SUFU: variants seen among roughly 807,000 people sequenced by gnomAD.
The protein encoded by SUFU is suppressor of fused homolog.
A neutral mutation model predicts 58.9 loss-of-function variants in SUFU; 7 were observed. That is an observed-to-expected ratio of 0.12 (90% CI 0.07 to 0.22). The LOEUF (loss-of-function observed/expected upper bound fraction) is 0.22. SUFU is among the 10% of genes least tolerant of loss of function. The pLI, the probability that SUFU is intolerant of heterozygous loss-of-function variation, is 1.00. For synonymous variants in SUFU, 232 were observed against 254.8 expected (o/e 0.91, Z 0.85); for missense variants, 451 against 641.3 (o/e 0.70, Z 3.20).
At chr10:102,582,059 C>G (rs1356789856) in intron 3 of SUFU, among the ~76,000 whole-genome samples, 1 of 152,174 alleles carries the variant, frequency 6.6e-6, no homozygotes, top group Non-Finnish European at 1.5e-5. Context: ...TTCTCTGTCC[C>G]TGGAAAGCAC....
intron 8 of SUFU, among the ~76,000 whole-genome samples, chr10:102,603,087 C>T (rs2063529255): frequency 6.6e-6 from 1 of 152,184 alleles, no homozygotes; most frequent in South Asian, 2.1e-4. Flanking sequence ...CAGACATGGT[C>T]TACGGAGTCT....
At chr10:102,528,960 T>TC in intron 2 of SUFU, among the ~76,000 whole-genome samples, 1 of 108,010 alleles carries the variant, frequency 9.3e-6, no homozygotes, top group Non-Finnish European at 2.2e-5. Flanking sequence ...TTTTTTCCTT[T>TC]CTTTTTTTTT....
intron 10 of SUFU, among the ~76,000 whole-genome samples, chr10:102,621,214 C>A (rs534403672): frequency 6.6e-6 from 1 of 152,346 alleles, no homozygotes; most frequent in East Asian, 1.9e-4. Flanking sequence ...TCTACTGTTC[C>A]TCCTTCCACG....
At chr10:102,550,532 G>C (rs1038485394) in intron 3 of SUFU, among the ~76,000 whole-genome samples, 1 of 152,172 alleles carries the variant, frequency 6.6e-6, no homozygotes, top group Non-Finnish European at 1.5e-5. Context: ...AAATATCACA[G>C]ATAAAGTTCA....
At chr10:102,622,958 T>C (rs1208389433) in intron 10 of SUFU, among the ~76,000 whole-genome samples, 1 of 124,126 alleles carries the variant, frequency 8.1e-6, no homozygotes, top group Non-Finnish European at 1.6e-5. Flanking sequence ...GCCATTGCAC[T>C]CCAGCCTGGA....
chr10:102,555,136 TG>T (rs1317867350), intron 3 of SUFU, among the ~76,000 whole-genome samples: 1 of 151,830 alleles, frequency 6.6e-6, no homozygotes, highest in African/African-American at 2.4e-5. Context: ...GACGTGGTGG[TG>T]GGCGCCTGTG....
chr10:102,563,543 A>AT (rs1184564754), intron 3 of SUFU, among the ~76,000 whole-genome samples: 5 of 151,964 alleles, frequency 3.3e-5, no homozygotes, highest in African/African-American at 1.2e-4. Context: ...GTGGTGGCTT[A>AT]TACGTGTACT....
intron 2 of SUFU, among the ~76,000 whole-genome samples, chr10:102,534,885 C>T (rs1453733998): frequency 6.6e-6 from 1 of 152,082 alleles, no homozygotes; most frequent in Non-Finnish European, 1.5e-5. Context: ...TAAGGCTGGG[C>T]TTGTCCCTAT....
chr10:102,514,328 A>G (rs1378912228), intron 2 of SUFU, among the ~76,000 whole-genome samples: 1 of 152,234 alleles, frequency 6.6e-6, no homozygotes, highest in Admixed American at 6.5e-5. Context: ...CTTCAGGGTC[A>G]GGAGGGGATG....
rs2135930232 is a variant in SUFU at position 102,615,346 on chromosome 10, G to C, written c.1101G>C (p.Glu367Asp). Residue 367 changes from glutamate to aspartate, a missense_variant, in exon 9 of 12, where the codon GAG becomes GAC. Glu to Asp is a conservative substitution (Grantham distance 45). Transcript: ENST00000369902. ...PHELIRTRQL[E>D]SVHLKFNQES... is the part of the protein sequence containing the mutation. ...AGCTGATTCGCACGCGGCAGCTTGA[G>C]AGCGTACATCTGAAATTCAACCAGG... 1 of 1,614,160 alleles carries C rather than the reference G, an allele frequency of 6.2e-7. No individual in the cohort carries two copies. Among genetic ancestry groups the C allele is most frequent in the Non-Finnish European group, 8.5e-7 (1 of 1,180,016 alleles).
intron 2 of SUFU, among the ~76,000 whole-genome samples, chr10:102,527,223 C>T (rs560862367): frequency 1.2e-4 from 18 of 151,888 alleles, no homozygotes; most frequent in South Asian, 4.2e-4. Flanking sequence ...AGGATGGTCT[C>T]GATCTCCTGA....
intron 2 of SUFU, among the ~76,000 whole-genome samples, chr10:102,526,484 C>G (rs1457414238): frequency 6.6e-6 from 1 of 152,058 alleles, no homozygotes; most frequent in African/African-American, 2.4e-5. Flanking sequence ...GCCCAGGAGG[C>G]AGAGGCTGCA....
chr10:102,610,781 C>G (rs537926323), intron 8 of SUFU, among the ~76,000 whole-genome samples: 1 of 152,164 alleles, frequency 6.6e-6, no homozygotes, highest in Non-Finnish European at 1.5e-5. Flanking sequence ...CAGAAATACC[C>G]GAACTGCCGG....
At chr10:102,565,427 G>A (rs891811161) in intron 3 of SUFU, among the ~76,000 whole-genome samples, 2 of 152,130 alleles carry the variant, frequency 1.3e-5, no homozygotes, top group East Asian at 1.9e-4. Flanking sequence ...GGGTTGGGGG[G>A]TATGCATCTC....
intron 2 of SUFU, among the ~76,000 whole-genome samples, chr10:102,517,607 G>T (rs541852297): frequency 1.3e-5 from 2 of 152,238 alleles, no homozygotes; most frequent in African/African-American, 4.8e-5. Context: ...CTGATTCAGG[G>T]GTCCCAACTC....
intron 3 of SUFU, among the ~76,000 whole-genome samples, chr10:102,555,025 C>T (rs560177487): frequency 9.9e-5 from 15 of 152,202 alleles, no homozygotes; most frequent in South Asian, 6.2e-4. Flanking sequence ...TCCCAGTACT[C>T]TGGGAGGCCG....
rs1489101322 is a variant in SUFU, at chr10:102,504,126, C to A, written c.-27C>A. The stretch of plus-strand genomic sequence containing the variant: ...TCCCCGTCGTTTGCCCTCTCCAGTT[C>A]CCCCAGTGCCTGCCCTACGCACCCC... On this transcript the variant is annotated 5_prime_UTR_variant, in exon 1 of 12. Coordinates refer to ENST00000369902, the MANE Select transcript of SUFU (RefSeq NM_016169.4). 3 of 1,530,452 alleles carry A rather than the reference C, an allele frequency of 2.0e-6. No individual in the cohort carries two copies. Among genetic ancestry groups the A allele is most frequent in the East Asian group, 2.4e-5 (1 of 40,818 alleles). 94.8% of individuals were successfully genotyped at this position (1,530,452 alleles called of 1,614,324 possible).
Position 102,575,779 on chromosome 10 carries a change from G to C in SUFU, c.455-16803G>C, listed in dbSNP as rs142947961. On this transcript the variant is annotated intron_variant, in intron 3 of 11. Transcript: ENST00000369902. ...GTGTGATGGCTGCTGGTGCCACATA[G>C]CAGAGGGGTCAAGGAGGAGGATCAT... Among the ~76,000 whole-genome samples the C allele has an allele frequency of 1.4e-3, 220 of 152,290 alleles. 3 individuals are homozygous for C. The Middle Eastern group carries it at 0.048, about 33-fold the overall frequency.
rs575664639 is a variant in SUFU at position 102,556,140 on chromosome 10, A to G, written c.454+6034A>G. On this transcript the variant is annotated intron_variant, in intron 3 of 11. Coordinates refer to ENST00000369902, the MANE Select transcript of SUFU (RefSeq NM_016169.4). ...ATCAAGGCAGTGGGAGGCGAATGAA[A>G]GGGGAACGATGAGGCTCCGGTGGGT... 5.5e-4 allele frequency among the ~76,000 whole-genome samples: 84 copies of G among 152,294 alleles called. 1 individual carries two copies. The highest frequency in any genetic ancestry group is 8.7e-4 in the Non-Finnish European group (59 of 68,024).
Sources: gnomAD v4.1 joint callset for allele counts (sites outside exome capture counted in the v4.1 genomes callset) on GRCh38, gnomAD v4.1.1 for gene constraint, MANE v1.5 for transcripts, NCBI Gene and HGNC (gene_info 2026-07-23, HGNC 2026-07-21) for gene names.